SUSD4: variants seen among roughly 807,000 people sequenced by gnomAD.
SUSD4 encodes the protein sushi domain-containing protein 4.
In SUSD4, 41 loss-of-function variants were observed where a neutral mutation model predicts 50.5. The ratio of observed to expected loss-of-function variants is 0.81; its 90% confidence interval spans 0.63 to 1.05. The LOEUF is 1.05. SUSD4 is among the 50% of genes least tolerant of loss of function. SUSD4 has a pLI of 0.00. For missense variants in SUSD4, 580 were observed against 634.7 expected (o/e 0.91, Z 0.93); for synonymous variants, 257 against 257.3 (o/e 1.00, Z 0.01).
chr1:223,361,463 G>C (rs1668973631), intron 2 of SUSD4, among the ~76,000 whole-genome samples: 1 of 152,102 alleles, frequency 6.6e-6, no homozygotes, highest in Admixed American at 6.5e-5. Context: ...CAAGGCTCTG[G>C]ATATTTTTGC....
At chr1:223,347,267 C>G (rs905393384) in intron 2 of SUSD4, among the ~76,000 whole-genome samples, 1 of 151,994 alleles carries the variant, frequency 6.6e-6, no homozygotes, top group Non-Finnish European at 1.5e-5. Flanking sequence ...CAATAGTCAC[C>G]CTGTCGTGCT....
intron 3 of SUSD4, 147 bp from the exon 4 acceptor site, chr1:223,268,822 G>A: frequency 1.2e-6 from 1 of 830,358 alleles, no homozygotes; most frequent in East Asian, 2.8e-5. Flanking sequence ...CTAGGCTCAG[G>A]TGCCAATGAC....
At chr1:223,280,158 C>T (rs1663599229) in intron 3 of SUSD4, among the ~76,000 whole-genome samples, 1 of 152,128 alleles carries the variant, frequency 6.6e-6, no homozygotes, top group African/African-American at 2.4e-5. Flanking sequence ...ACCATCGATG[C>T]TAGGAAGAAA....
At chr1:223,281,788 A>G (rs202015723) in intron 3 of SUSD4, among the ~76,000 whole-genome samples, 1 of 152,224 alleles carries the variant, frequency 6.6e-6, no homozygotes, top group Non-Finnish European at 1.5e-5. Context: ...ACAACAAAAA[A>G]AGAGAATTTT....
At position 223,229,194 on chromosome 1, in the gene SUSD4, T is replaced by TA; in HGVS notation, c.916+2dup. The TA allele has an allele frequency of 6.3e-7, 1 of 1,596,584 alleles. No homozygotes were observed. On this transcript the variant is annotated splice_region_variant and intron_variant, in intron 6 of 8. Transcript: ENST00000366878. The surrounding 1 kb of genome is among the most constrained non-coding windows in gnomAD (Gnocchi z 4.7). ...CCTCCAAGGGTGAGGCCTTCAGTCT[T>TA]ACCTGATTTGATGCAGTAGACTTGA... is the stretch of plus-strand genomic sequence containing the variant.
At chr1:223,355,993 A>G (rs111245095) in intron 2 of SUSD4, among the ~76,000 whole-genome samples, 1 of 152,140 alleles carries the variant, frequency 6.6e-6, no homozygotes, top group African/African-American at 2.4e-5. Context: ...CCTCTGTTAC[A>G]CAGGGGAGAG....
chr1:223,230,218 G>A (rs531479254), intron 5 of SUSD4, among the ~76,000 whole-genome samples: 9 of 152,178 alleles, frequency 5.9e-5, no homozygotes, highest in African/African-American at 9.6e-5. Context: ...CCACAAAGAC[G>A]GCTTCAGTGG....
chr1:223,280,531 A>G (rs1269435965), intron 3 of SUSD4, among the ~76,000 whole-genome samples: 1 of 152,234 alleles, frequency 6.6e-6, no homozygotes, highest in African/African-American at 2.4e-5. Flanking sequence ...CAACAAGAAG[A>G]GCTAACTATC....
chr1:223,252,074 T>TGGTGGGA (rs1393776017), intron 5 of SUSD4, among the ~76,000 whole-genome samples: 2 of 42,240 alleles, frequency 4.7e-5, no homozygotes, highest in African/African-American at 2.0e-4. Context: ...TGTTGTGGGG[T>TGGTGGGA]GGGGGGAGGG....
At chr1:223,242,100 C>T (rs1426099473) in intron 5 of SUSD4, among the ~76,000 whole-genome samples, 1 of 152,100 alleles carries the variant, frequency 6.6e-6, no homozygotes, top group African/African-American at 2.4e-5. Flanking sequence ...CATCATTATG[C>T]CCAGCTAATT....
chr1:223,328,219 C>A (rs1291732756), intron 2 of SUSD4, among the ~76,000 whole-genome samples: 1 of 152,192 alleles, frequency 6.6e-6, no homozygotes, highest in East Asian at 1.9e-4. Flanking sequence ...TTGTTGGACT[C>A]ATGTTTTATA....
intron 2 of SUSD4, among the ~76,000 whole-genome samples, chr1:223,315,937 T>A (rs1666162691): frequency 6.6e-6 from 1 of 152,126 alleles, no homozygotes; most frequent in Non-Finnish European, 1.5e-5. Flanking sequence ...GAAGCCTACA[T>A]TTACAATGGC....
intron 2 of SUSD4, among the ~76,000 whole-genome samples, chr1:223,309,476 CAG>C (rs1408989812): frequency 6.6e-6 from 1 of 152,182 alleles, no homozygotes; most frequent in Non-Finnish European, 1.5e-5. Flanking sequence ...ACTCGCAGGT[CAG>C]AGCACTGGGC....
intron 2 of SUSD4, among the ~76,000 whole-genome samples, chr1:223,339,975 C>T (rs891110656): frequency 5.9e-5 from 9 of 152,214 alleles, no homozygotes; most frequent in African/African-American, 1.2e-4. Context: ...GGCAGAACCA[C>T]GACACTCAAC....
At chr1:223,292,404 CAT>C in intron 3 of SUSD4, 33 bp downstream of exon 3, 3 of 1,613,142 alleles carry the variant, frequency 1.9e-6, no homozygotes, top group Non-Finnish European at 2.5e-6. Flanking sequence ...ACTTGAACCA[CAT>C]GAGTGGCTTC....
intron 5 of SUSD4, among the ~76,000 whole-genome samples, chr1:223,239,516 T>A (rs1660438778): frequency 6.6e-6 from 1 of 152,156 alleles, no homozygotes. Flanking sequence ...GCATATCAGC[T>A]ATATTTCTTT....
At chr1:223,344,973 T>C (rs1051687997) in intron 2 of SUSD4, among the ~76,000 whole-genome samples, 2 of 152,346 alleles carry the variant, frequency 1.3e-5, no homozygotes, top group East Asian at 3.9e-4. Flanking sequence ...TTATAACTTA[T>C]CTACCCTCTC....
chr1:223,263,928 T>C (rs944495933), intron 5 of SUSD4: 14 of 985,468 alleles, frequency 1.4e-5, no homozygotes, highest in Non-Finnish European at 1.7e-5. Context: ...TATACTCAGA[T>C]GCTGAGAAAC....
chr1:223,336,780 C>T (rs1332242417), intron 2 of SUSD4, among the ~76,000 whole-genome samples: 1 of 152,022 alleles, frequency 6.6e-6, no homozygotes, highest in Admixed American at 6.6e-5. Context: ...CTTCTGGCTC[C>T]AAATCAAATG....
Sources: gnomAD v4.1 joint callset for allele counts (sites outside exome capture counted in the v4.1 genomes callset) on GRCh38, gnomAD v4.1.1 for gene constraint, Gnocchi (gnomAD v3.1) non-coding constraint, MANE v1.5 for transcripts, NCBI Gene and HGNC (gene_info 2026-07-23, HGNC 2026-07-21) for gene names.